Variants in AIF1L observed in about 807,000 individuals in gnomAD.
AIF1L encodes the protein allograft inflammatory factor 1-like.
A neutral mutation model predicts 20.7 loss-of-function variants in AIF1L; 12 were observed. That is an observed-to-expected ratio of 0.58 (90% CI 0.37 to 0.94). The LOEUF is 0.94. Among genes scored for constraint, AIF1L ranks in the 40% least tolerant of loss-of-function variants. The pLI is 0.01. For synonymous variants in AIF1L, 76 were observed against 65.1 expected (o/e 1.17, Z -0.81); for missense variants, 173 against 185.3 (o/e 0.93, Z 0.39).
chr9:131,109,507 C>A (rs1487056012), intron 2 of AIF1L, among the ~76,000 whole-genome samples: 1 of 152,014 alleles, frequency 6.6e-6, no homozygotes, highest in Admixed American at 6.5e-5. Flanking sequence ...TGCAGTGAGC[C>A]AACATTGCGC....
At chr9:131,101,285 G>A (rs1172812187) in intron 2 of AIF1L, among the ~76,000 whole-genome samples, 1 of 152,106 alleles carries the variant, frequency 6.6e-6, no homozygotes, top group African/African-American at 2.4e-5. Context: ...CCCGCAACAG[G>A]GCACCCCAGC....
chr9:131,100,544 G>A (rs1428834651), intron 2 of AIF1L, among the ~76,000 whole-genome samples: 2 of 152,122 alleles, frequency 1.3e-5, no homozygotes, highest in Non-Finnish European at 2.9e-5. Context: ...AGCTTGGCTG[G>A]GCCTCCTGCT....
chr9:131,109,184 A>G (rs893770516), intron 2 of AIF1L, among the ~76,000 whole-genome samples: 1 of 111,606 alleles, frequency 9.0e-6, no homozygotes, highest in East Asian at 2.6e-4. Flanking sequence ...GTCCCCCCAG[A>G]ATGTTGAATG....
chr9:131,105,514 G>T (rs527838628), intron 2 of AIF1L, among the ~76,000 whole-genome samples: 1 of 151,896 alleles, frequency 6.6e-6, no homozygotes, highest in Non-Finnish European at 1.5e-5. Context: ...TTACAGGTAC[G>T]TGTGGTTTTT....
intron 2 of AIF1L, among the ~76,000 whole-genome samples, chr9:131,101,251 A>G (rs1830634568): frequency 6.6e-6 from 1 of 152,142 alleles, no homozygotes; most frequent in Non-Finnish European, 1.5e-5. Context: ...ATGCCCACAG[A>G]TTGACATTCA....
chr9:131,116,933 G>A lies in AIF1L; in HGVS notation c.203-823G>A, dbSNP rs546207416. On this transcript the variant is annotated intron_variant, in intron 4 of 5. Transcript: ENST00000247291. ...TTTGGGCCTGGCCCCAGTCCCGCCC[G>A]CCTTGCCAGGAGGAGCATTGGCTGC... Among the ~76,000 whole-genome samples, 30 of 152,316 alleles carry A rather than the reference G, an allele frequency of 2.0e-4. No individual in the cohort carries two copies. In the East Asian group the frequency reaches 5.0e-3, roughly 26 times the overall value.
chr9:131,108,576 G>A (rs537091386), intron 2 of AIF1L, among the ~76,000 whole-genome samples: 19 of 152,292 alleles, frequency 1.2e-4, no homozygotes, highest in African/African-American at 4.3e-4. Flanking sequence ...GGGAATAATA[G>A]TGGCTGTGAG....
chr9:131,108,143 G>A (rs1830791820), intron 2 of AIF1L: 1 of 151,910 alleles, frequency 6.6e-6, no homozygotes, highest in South Asian at 2.1e-4. Flanking sequence ...GAGGACACAG[G>A]TCCTGGAGTC....
chr9:131,115,179 A>G (rs933850528), intron 4 of AIF1L, among the ~76,000 whole-genome samples: 1 of 152,144 alleles, frequency 6.6e-6, no homozygotes, highest in Non-Finnish European at 1.5e-5. Context: ...GCCGGGCGCC[A>G]TGGCTCAAGC....
chr9:131,109,999 CA>C (rs1830839405), intron 2 of AIF1L, among the ~76,000 whole-genome samples: 1 of 152,250 alleles, frequency 6.6e-6, no homozygotes, highest in African/African-American at 2.4e-5. Flanking sequence ...CACTTGAGTC[CA>C]GGAGTTTGGG....
rs913251887 is a variant in AIF1L, at chr9:131,096,616, G to T, written c.-14G>T. On this transcript the variant is annotated 5_prime_UTR_variant, in exon 1 of 6. Transcript: ENST00000247291. ...TCCGCGAAGCCTGGAGCCGGCGGGA[G>T]CCCCGCGCTCGCCATGTCGGGCGAG... The T allele has an allele frequency of 6.7e-7, 1 of 1,484,460 alleles. No homozygotes were observed. Among genetic ancestry groups the T allele is most frequent in the South Asian group, 1.3e-5 (1 of 78,628 alleles). The allele number at this position is 1,484,460 out of a possible 1,614,324, so 92.0% of individuals were successfully genotyped here.
chr9:131,101,834 C>G (rs913046512), intron 2 of AIF1L, among the ~76,000 whole-genome samples: 13 of 152,300 alleles, frequency 8.5e-5, no homozygotes, highest in African/African-American at 2.9e-4. Context: ...GCTACTGTCC[C>G]AATGGTCCAG....
At chr9:131,102,908 C>T in intron 2 of AIF1L, 1 of 456,288 alleles carries the variant, frequency 2.2e-6, no homozygotes, top group Middle Eastern at 3.3e-4. Context: ...GATATCCGCC[C>T]ACCCCAAAAT....
intron 5 of AIF1L, among the ~76,000 whole-genome samples, chr9:131,119,506 G>GAAAAAAAAA (rs10612336): frequency 3.6e-5 from 5 of 140,436 alleles, no homozygotes; most frequent in Non-Finnish European, 4.6e-5. Flanking sequence ...TGTCTCAAAA[G>GAAAAAAAAA]AAAAAAAAAA....
Position 131,120,273 on chromosome 9 carries a change from C to T in AIF1L, c.404C>T (p.Pro135Leu), listed in dbSNP as rs1413134832. ...MFEGKANESSPKPVGPPPERD... is the reference protein window; with the variant it reads ...MFEGKANESSLKPVGPPPERD... ...GAAGGAAAAGCCAACGAGAGCAGCCCCAAGCCAGTTGGCCCCCCTCCAGAG... is the reference window on the plus strand; with the variant it reads ...GAAGGAAAAGCCAACGAGAGCAGCCTCAAGCCAGTTGGCCCCCCTCCAGAG... Residue 135 changes from proline to leucine, a missense_variant, in exon 6 of 6, where the codon CCC (proline) becomes CTC (leucine). Transcript: ENST00000247291. 1 of 1,613,884 alleles carries T rather than the reference C, an allele frequency of 6.2e-7. No individual in the cohort carries two copies. The highest frequency in any genetic ancestry group is 8.5e-7 in the Non-Finnish European group (1 of 1,179,972).
chr9:131,106,923 G>A (rs564643723), intron 2 of AIF1L, among the ~76,000 whole-genome samples: 17 of 152,082 alleles, frequency 1.1e-4, no homozygotes, highest in African/African-American at 3.6e-4. Context: ...TGGTGAAACC[G>A]CATCTCTACT....
In AIF1L at chr9:131,108,449, C is replaced by T. The variant is rs112760573; in HGVS notation, c.94-3148C>T. 5.2e-3 allele frequency among the ~76,000 whole-genome samples: 792 copies of T among 152,238 alleles called. 4 individuals are homozygous for T. Among genetic ancestry groups the T allele is most frequent in the Non-Finnish European group, 7.6e-3 (520 of 68,018 alleles). On this transcript the variant is annotated intron_variant, in intron 2 of 5. Coordinates refer to ENST00000247291, the MANE Select transcript of AIF1L (RefSeq NM_031426.4). ...TCCTGACCTCAAGGGATTTGCTCAC[C>T]TCGGCCTCCCAAAGTGCTGGGATTA...
chr9:131,115,928 T>G (rs911014946), intron 4 of AIF1L, among the ~76,000 whole-genome samples: 1 of 149,548 alleles, frequency 6.7e-6, no homozygotes, highest in African/African-American at 2.5e-5. Flanking sequence ...GAGCCCAGAT[T>G]GCACCATTGC....
At position 131,121,256 on chromosome 9, in the gene AIF1L, T is replaced by C; in HGVS notation, c.*934T>C. On this transcript the variant is annotated 3_prime_UTR_variant, in exon 6 of 6. Transcript: ENST00000247291. ...GAAACCTGACTCTGCTTCTCTCATT[T>C]GTCTTCCTACCCTACTCACATAATT... is the stretch of plus-strand genomic sequence containing the variant. The C allele has an allele frequency of 1.6e-6, 1 of 623,056 alleles. No homozygotes were observed. The highest frequency in any genetic ancestry group is 3.0e-6 in the Non-Finnish European group (1 of 337,422). 38.6% of individuals were successfully genotyped at this position (623,056 alleles called of 1,614,324 possible). A position where few individuals can be genotyped will look rare whatever the true frequency, so the allele number is the denominator to read the frequency against.
Sources: gnomAD v4.1 joint callset for allele counts (sites outside exome capture counted in the v4.1 genomes callset) on GRCh38, gnomAD v4.1.1 for gene constraint, MANE v1.5 for transcripts, NCBI Gene and HGNC (gene_info 2026-07-23, HGNC 2026-07-21) for gene names.